Variants in LOC128462377 observed in about 807,000 individuals in gnomAD.
chr16:89,401,560 C>A, the LOC128462377 span, among the ~76,000 whole-genome samples: 1 of 152,054 alleles, frequency 6.6e-6, no homozygotes, highest in African/African-American at 2.4e-5. Flanking sequence ...GGATTACAGG[C>A]GATTTTTACT....
At chr16:89,344,594 A>AC in the LOC128462377 span, among the ~76,000 whole-genome samples, 1 of 152,206 alleles carries the variant, frequency 6.6e-6, no homozygotes, top group Non-Finnish European at 1.5e-5. Context: ...ATAAGCCCAC[A>AC]ATGCAAGCGT....
At chr16:89,328,688 G>A in the LOC128462377 span, among the ~76,000 whole-genome samples, 1 of 148,390 alleles carries the variant, frequency 6.7e-6, no homozygotes, top group East Asian at 2.0e-4. Flanking sequence ...ACACACCCAG[G>A]AGCACGGGCG....
At chr16:89,390,651 A>G in the LOC128462377 span, among the ~76,000 whole-genome samples, 2 of 152,172 alleles carry the variant, frequency 1.3e-5, no homozygotes, top group Non-Finnish European at 2.9e-5. Flanking sequence ...AACTAGGTAA[A>G]GAAGAACAGG....
chr16:89,405,965 C>G, the LOC128462377 span, among the ~76,000 whole-genome samples: 2 of 152,048 alleles, frequency 1.3e-5, no homozygotes, highest in South Asian at 4.2e-4. Flanking sequence ...CAAAAACTTA[C>G]CGGGCGTGGT....
the LOC128462377 span, among the ~76,000 whole-genome samples, chr16:89,374,959 T>C: frequency 1.3e-5 from 2 of 152,180 alleles, no homozygotes; most frequent in African/African-American, 4.8e-5. Context: ...GTCATGAATG[T>C]ACAAAATATA....
the LOC128462377 span, among the ~76,000 whole-genome samples, chr16:89,333,888 G>A: frequency 4.6e-5 from 7 of 152,278 alleles, no homozygotes; most frequent in Non-Finnish European, 5.9e-5. Flanking sequence ...GTATGTGGGC[G>A]TGTGTTGTGA....
chr16:89,347,019 G>T, the LOC128462377 span, among the ~76,000 whole-genome samples: 1 of 152,190 alleles, frequency 6.6e-6, no homozygotes, highest in Non-Finnish European at 1.5e-5. Context: ...AATCCCCAAG[G>T]TTGGTCAGTA....
chr16:89,407,871 A>AG, the LOC128462377 span, among the ~76,000 whole-genome samples: 9 of 117,928 alleles, frequency 7.6e-5, no homozygotes, highest in African/African-American at 2.1e-4. Context: ...AAAAAAAAAA[A>AG]AAGAAGAAGA....
chr16:89,361,949 G>C, the LOC128462377 span, among the ~76,000 whole-genome samples: 9 of 152,322 alleles, frequency 5.9e-5, 2 homozygotes, highest in East Asian at 1.7e-3. Flanking sequence ...GCACAGCCTT[G>C]CAACACCCTG....
the LOC128462377 span, among the ~76,000 whole-genome samples, chr16:89,318,149 G>A: frequency 2.6e-5 from 4 of 152,178 alleles, no homozygotes; most frequent in Non-Finnish European, 2.9e-5. Context: ...CACACGGTGC[G>A]AGCGCACTTC....
chr16:89,331,898 G>A, the LOC128462377 span, among the ~76,000 whole-genome samples: 2 of 152,200 alleles, frequency 1.3e-5, no homozygotes, highest in African/African-American at 2.4e-5. Flanking sequence ...GGCTGGGGTG[G>A]CTCCTGCACG....
the LOC128462377 span, among the ~76,000 whole-genome samples, chr16:89,406,207 C>A: frequency 6.6e-6 from 1 of 151,726 alleles, no homozygotes; most frequent in Non-Finnish European, 1.5e-5. Context: ...AAAAACACAG[C>A]AAGGGGTTTG....
chr16:89,333,458 G>A, the LOC128462377 span, among the ~76,000 whole-genome samples: 9 of 152,186 alleles, frequency 5.9e-5, no homozygotes, highest in South Asian at 2.1e-4. Flanking sequence ...TGGACCCACC[G>A]TTGTGGTATC....
the LOC128462377 span, among the ~76,000 whole-genome samples, chr16:89,375,735 C>A: frequency 7.0e-6 from 1 of 142,034 alleles, no homozygotes; most frequent in South Asian, 2.2e-4. Flanking sequence ...AGATTACAAG[C>A]ATGAGCCACT....
At chr16:89,345,208 G>GA in the LOC128462377 span, among the ~76,000 whole-genome samples, 910 of 148,510 alleles carry the variant, frequency 6.1e-3, 8 homozygotes, top group African/African-American at 0.021. Context: ...TGTAAAGATG[G>GA]AAAAAAAAAA....
chr16:89,370,109 C>T, the LOC128462377 span, among the ~76,000 whole-genome samples: 590 of 152,342 alleles, frequency 3.9e-3, 2 homozygotes, highest in African/African-American at 0.014. Context: ...GAAGAAGACA[C>T]ACTGCTGTTC....
chr16:89,414,607 C>G, the LOC128462377 span, among the ~76,000 whole-genome samples: 2 of 152,168 alleles, frequency 1.3e-5, no homozygotes, highest in Non-Finnish European at 2.9e-5. Context: ...TAGATACGAC[C>G]GTGACCACTG....
At chr16:89,352,594 G>C in the LOC128462377 span, among the ~76,000 whole-genome samples, 3 of 152,190 alleles carry the variant, frequency 2.0e-5, no homozygotes, top group Admixed American at 6.5e-5. Flanking sequence ...GGCCCATCCA[G>C]ATCTCACACA....
At chr16:89,375,246 C>T in the LOC128462377 span, among the ~76,000 whole-genome samples, 9 of 152,226 alleles carry the variant, frequency 5.9e-5, no homozygotes, top group East Asian at 3.9e-4. Context: ...ATCGTCTCCG[C>T]GTGAGCAGCT....
Sources: allele counts gnomAD v4.1 joint callset (sites outside exome capture counted in the v4.1 genomes callset), GRCh38; gene constraint gnomAD v4.1.1; transcripts MANE v1.5.